The following KCNH8 variants were observed in gnomAD, a reference collection of about 807,000 sequenced individuals.
KCNH8 encodes the protein potassium voltage-gated channel subfamily H member 8, also known as voltage-gated delayed rectifier potassium channel KCNH8.
Under a neutral mutation model 103.6 loss-of-function variants are expected in KCNH8, and 70 were observed. The ratio of observed to expected loss-of-function variants is 0.68; its 90% CI spans 0.56 to 0.82. The LOEUF (loss-of-function observed/expected upper bound fraction) is 0.82, where lower values mean the gene tolerates loss of function less well. Ranked by LOEUF, KCNH8 falls within the 40% of genes least tolerant of loss-of-function variation. The pLI is 0.00. For missense variants in KCNH8, 1,217 were observed against 1,329.9 expected (o/e 0.92, Z 1.32); for synonymous variants, 498 against 489.4 (o/e 1.02, Z -0.23).
At chr3:19,381,847 A>G (rs925858175) in intron 5 of KCNH8, among the ~76,000 whole-genome samples, 5 of 152,188 alleles carry the variant, frequency 3.3e-5, no homozygotes, top group African/African-American at 4.8e-5. Flanking sequence ...ATATATACAT[A>G]ACTTGCTCCA....
intron 7 of KCNH8, among the ~76,000 whole-genome samples, chr3:19,399,313 T>C (rs1317950577): frequency 6.6e-6 from 1 of 151,948 alleles, no homozygotes; most frequent in African/African-American, 2.4e-5. Context: ...TCAATAAATA[T>C]CTAAAAATGT....
At chr3:19,339,591 A>T (rs2065630750) in intron 3 of KCNH8, among the ~76,000 whole-genome samples, 1 of 152,128 alleles carries the variant, frequency 6.6e-6, no homozygotes, top group African/African-American at 2.4e-5. Context: ...ACAAGTTTTT[A>T]AAAAGTGTCC....
intron 1 of KCNH8, among the ~76,000 whole-genome samples, chr3:19,149,368 A>C (rs2063106139): frequency 6.6e-6 from 1 of 152,136 alleles, no homozygotes; most frequent in East Asian, 1.9e-4. Context: ...TTTAATCCTT[A>C]AATGAGCCTA....
At chr3:19,149,664 C>T (rs2063110017) in intron 1 of KCNH8, among the ~76,000 whole-genome samples, 1 of 152,144 alleles carries the variant, frequency 6.6e-6, no homozygotes, top group South Asian at 2.1e-4. Flanking sequence ...GGCTTTAACC[C>T]TGTAATTAGG....
At chr3:19,320,065 C>A (rs552160692) in intron 3 of KCNH8, among the ~76,000 whole-genome samples, 1 of 151,970 alleles carries the variant, frequency 6.6e-6, no homozygotes, top group South Asian at 2.1e-4. Flanking sequence ...TTGGATGAAT[C>A]TTTGGGGTTT....
intron 1 of KCNH8, among the ~76,000 whole-genome samples, chr3:19,179,320 A>G (rs981123455): frequency 1.3e-5 from 2 of 152,192 alleles, no homozygotes; most frequent in Admixed American, 6.5e-5. Flanking sequence ...CTAAAAAACT[A>G]TGCTGATTAA....
At chr3:19,216,611 G>A (rs1446919791) in intron 1 of KCNH8, among the ~76,000 whole-genome samples, 2 of 152,156 alleles carry the variant, frequency 1.3e-5, no homozygotes, top group African/African-American at 4.8e-5. Context: ...CTACTAAAAT[G>A]TGTTAGAGTT....
intron 5 of KCNH8, among the ~76,000 whole-genome samples, chr3:19,386,145 G>C (rs1445475967): frequency 3.3e-5 from 5 of 152,020 alleles, no homozygotes; most frequent in Non-Finnish European, 7.4e-5. Context: ...CTGCTTTTTA[G>C]TCCGCATAAA....
chr3:19,416,871 T>A (rs1368677118), intron 7 of KCNH8, among the ~76,000 whole-genome samples: 5 of 152,154 alleles, frequency 3.3e-5, no homozygotes, highest in Non-Finnish European at 7.3e-5. Flanking sequence ...GTTATTCCCA[T>A]AAGCTGGTAG....
intron 7 of KCNH8, among the ~76,000 whole-genome samples, 189 bp from the exon 8 acceptor site, chr3:19,437,975 G>C (rs1223002053): frequency 6.6e-6 from 1 of 152,114 alleles, no homozygotes; most frequent in Non-Finnish European, 1.5e-5. Flanking sequence ...ATAGAGAACA[G>C]CATGAGTAAA....
chr3:19,317,196 G>C (rs566068428), intron 3 of KCNH8, among the ~76,000 whole-genome samples: 4 of 151,782 alleles, frequency 2.6e-5, no homozygotes, highest in Non-Finnish European at 5.9e-5. Flanking sequence ...GGAAAATACT[G>C]TATTATTTCA....
chr3:19,276,532 T>C (rs1156507366), intron 2 of KCNH8, among the ~76,000 whole-genome samples: 1 of 152,140 alleles, frequency 6.6e-6, no homozygotes, highest in African/African-American at 2.4e-5. Context: ...TTGTGTTATA[T>C]TGAGCAATGC....
At chr3:19,369,695 C>A (rs1289956105) in intron 5 of KCNH8, among the ~76,000 whole-genome samples, 1 of 151,914 alleles carries the variant, frequency 6.6e-6, no homozygotes, top group Non-Finnish European at 1.5e-5. Context: ...TGTTTCCTTC[C>A]TGGATTTTCC....
At chr3:19,450,404 A>C in intron 9 of KCNH8, 99 bp downstream of exon 9, 2 of 886,592 alleles carry the variant, frequency 2.3e-6, no homozygotes, top group Non-Finnish European at 3.7e-6. Flanking sequence ...AAAGCATACC[A>C]ACTTCTTTAT....
At chr3:19,421,515 A>G (rs1389273123) in intron 7 of KCNH8, among the ~76,000 whole-genome samples, 2 of 152,106 alleles carry the variant, frequency 1.3e-5, no homozygotes, top group Admixed American at 6.5e-5. Flanking sequence ...GAGTTAAACA[A>G]TTCCTTTACA....
intron 2 of KCNH8, among the ~76,000 whole-genome samples, chr3:19,267,311 G>A (rs2064525976): frequency 6.6e-6 from 1 of 151,972 alleles, no homozygotes; most frequent in South Asian, 2.1e-4. Context: ...GGAGACAATG[G>A]GACCACTCTG....
At chr3:19,387,863 GAAT>G (rs1041784810) in intron 5 of KCNH8, among the ~76,000 whole-genome samples, 5 of 150,926 alleles carry the variant, frequency 3.3e-5, no homozygotes, top group African/African-American at 1.2e-4. Context: ...TAACTCAATT[GAAT>G]AATAAATTGT....
chr3:19,333,435 A>T (rs1324543972), intron 3 of KCNH8, among the ~76,000 whole-genome samples: 2 of 152,176 alleles, frequency 1.3e-5, no homozygotes, highest in Non-Finnish European at 2.9e-5. Context: ...TACAAAGCTG[A>T]CCAAATGTAG....
chr3:19,531,256 G>A (rs963986227), intron 15 of KCNH8, among the ~76,000 whole-genome samples: 2 of 152,138 alleles, frequency 1.3e-5, no homozygotes, highest in Non-Finnish European at 2.9e-5. Context: ...CTTGTCTTCT[G>A]AAATTATGAC....
Sources: gnomAD v4.1 joint callset for allele counts (sites outside exome capture counted in the v4.1 genomes callset) on GRCh38, gnomAD v4.1.1 for gene constraint, MANE v1.5 for transcripts, NCBI Gene and HGNC (gene_info 2026-07-23, HGNC 2026-07-21) for gene names.